CYTH1: variants seen among roughly 807,000 people sequenced by gnomAD.
CYTH1 encodes the protein cytohesin 1, also known as cytohesin-1.
CYTH1 carries 18 observed loss-of-function variants against 61.8 expected under a neutral mutation model. That is an observed-to-expected ratio of 0.29 (90% CI 0.20 to 0.43). The LOEUF is 0.43. Among genes scored for constraint, CYTH1 ranks in the 20% least tolerant of loss-of-function variants. The pLI is 1.00. For missense variants in CYTH1, 336 were observed against 510.5 expected (o/e 0.66, Z 3.29); for synonymous variants, 174 against 184.3 (o/e 0.94, Z 0.45).
At chr17:78,753,553 AGGGCTGCTGACATCCCTAATTACATG>A (rs2093388994) in intron 1 of CYTH1, among the ~76,000 whole-genome samples, 1 of 152,152 alleles carries the variant, frequency 6.6e-6, no homozygotes, top group Non-Finnish European at 1.5e-5. Flanking sequence ...AAAGAATCGG[AGGGCTGCTGACATCCCTAATTACATG>A]GGGTTTGTGC....
Position 78,776,026 on chromosome 17 carries a change from A to G in CYTH1, c.22+6176T>C, listed in dbSNP as rs1226491876. Among the ~76,000 whole-genome samples the G allele has an allele frequency of 2.6e-5, 4 of 152,170 alleles. No individual in the cohort carries two copies. The East Asian group carries it at 5.8e-4, about 22-fold the overall frequency. On this transcript the variant is annotated intron_variant, in intron 1 of 13. Coordinates refer to ENST00000446868, the MANE Select transcript of CYTH1 (RefSeq NM_004762.6). ...AAAAATCAGCCGGGTGTGGTGGCAC[A>G]TGCCTGTAATCCCAGCTACTTGGGA...
At chr17:78,721,552 T>C (rs2093228743) in intron 1 of CYTH1, among the ~76,000 whole-genome samples, 1 of 152,234 alleles carries the variant, frequency 6.6e-6, no homozygotes, top group African/African-American at 2.4e-5. Flanking sequence ...TACTGCATTC[T>C]GCATTTTCAG....
chr17:78,705,284 C>A (rs2093053692), intron 3 of CYTH1, among the ~76,000 whole-genome samples: 1 of 152,144 alleles, frequency 6.6e-6, no homozygotes, highest in South Asian at 2.1e-4. Context: ...GGGACACACA[C>A]CAGAGATGGC....
In CYTH1 at chr17:78,700,423, C is replaced by T. The variant is rs1168209983; in HGVS notation, c.458G>A (p.Arg153Gln). Residue 153 changes from arginine (R) to glutamine (Q), a missense_variant, in exon 7 of 14, where the codon CGG becomes CAG. This residue lies in a region of CYTH1 where 125 missense variants were observed against 209.9 expected (regional missense o/e 0.60). Coordinates refer to ENST00000446868, the MANE Select transcript of CYTH1 (RefSeq NM_004762.6). This position sits in a 1 kb window ranked among gnomAD's most constrained non-coding sequence, Gnocchi z 5.1. ...GATCTTCTGGGCCTCTCCGGGTAGC[C>T]GGAAGCTCCACAGGAACTGCCTGAG... ...QALRQFLWSF[R>Q]LPGEAQKIDR... 8.1e-6 allele frequency: 13 copies of T among 1,612,980 alleles called. No individual in the cohort carries two copies. Among genetic ancestry groups the T allele is most frequent in the Middle Eastern group, 1.7e-4 (1 of 6,060 alleles).
chr17:78,710,369 T>C (rs922325856), intron 1 of CYTH1, among the ~76,000 whole-genome samples: 1 of 152,234 alleles, frequency 6.6e-6, no homozygotes, highest in South Asian at 2.1e-4. Context: ...TGTTTTACAA[T>C]GTGCTCTTAT....
chr17:78,768,735 A>G (rs780186849), intron 1 of CYTH1, among the ~76,000 whole-genome samples: 13 of 152,112 alleles, frequency 8.5e-5, no homozygotes, highest in East Asian at 1.9e-4. Context: ...TCCACTGCCA[A>G]TCTGAGCCAC....
intron 1 of CYTH1, among the ~76,000 whole-genome samples, chr17:78,719,537 T>C (rs557503937): frequency 2.0e-5 from 3 of 152,290 alleles, no homozygotes; most frequent in Admixed American, 2.0e-4. Flanking sequence ...AGAAAAGTAA[T>C]TTTCAACTTT....
intron 1 of CYTH1, among the ~76,000 whole-genome samples, chr17:78,762,383 A>T (rs896882265): frequency 7.9e-5 from 12 of 152,216 alleles, no homozygotes; most frequent in African/African-American, 2.9e-4. Context: ...AAAGTCTACA[A>T]AGTACTGCAA....
intron 11 of CYTH1, among the ~76,000 whole-genome samples, chr17:78,684,203 C>T (rs558540664): frequency 1.6e-4 from 25 of 152,318 alleles, no homozygotes; most frequent in Non-Finnish European, 2.8e-4. Flanking sequence ...TGGCCCTCCT[C>T]GCTCTTCTCA....
chr17:78,774,433 G>A (rs1029913221), intron 1 of CYTH1, among the ~76,000 whole-genome samples: 4 of 152,156 alleles, frequency 2.6e-5, no homozygotes, highest in Admixed American at 2.0e-4. Flanking sequence ...TCTGCATGGG[G>A]TCAAACATGC....
chr17:78,773,084 C>T (rs1442912482), intron 1 of CYTH1, among the ~76,000 whole-genome samples: 5 of 152,020 alleles, frequency 3.3e-5, no homozygotes, highest in Non-Finnish European at 7.4e-5. Context: ...CTGCCCACCT[C>T]GACCTCCCAA....
chr17:78,702,095 G>T, intron 5 of CYTH1, 27 bp downstream of exon 5: 1 of 1,534,502 alleles, frequency 6.5e-7, no homozygotes, highest in Non-Finnish European at 9.0e-7. Flanking sequence ...GCCTTCCCTA[G>T]CATGCGCATA....
intron 1 of CYTH1, among the ~76,000 whole-genome samples, chr17:78,742,981 C>CGTA: frequency 6.6e-6 from 1 of 152,216 alleles, no homozygotes; most frequent in East Asian, 1.9e-4. Flanking sequence ...TTAATGTCTA[C>CGTA]GCTTCTGTGG....
Position 78,766,691 on chromosome 17 carries a change from T to G in CYTH1, c.22+15511A>C, listed in dbSNP as rs534906533. 2.6e-5 allele frequency among the ~76,000 whole-genome samples: 4 copies of G among 152,234 alleles called. No individual in the cohort carries two copies. The East Asian group carries it at 5.8e-4, about 22-fold the overall frequency. ...CTATATCAAGATACAAAACTCTGTA[T>G]CCACTCCCAGAAGAAAGAACGTTTA... On this transcript the variant is annotated intron_variant, in intron 1 of 13. Transcript: ENST00000446868.
chr17:78,721,386 T>C (rs568227537), intron 1 of CYTH1, among the ~76,000 whole-genome samples: 17 of 152,218 alleles, frequency 1.1e-4, no homozygotes, highest in Non-Finnish European at 2.1e-4. Flanking sequence ...AGAGTTAAAT[T>C]AGCAGGCAGC....
At chr17:78,767,506 C>T (rs1202515802) in intron 1 of CYTH1, among the ~76,000 whole-genome samples, 3 of 151,406 alleles carry the variant, frequency 2.0e-5, no homozygotes, top group Admixed American at 6.6e-5. Context: ...TACCCTGACA[C>T]AAAGAATTTA....
intron 1 of CYTH1, among the ~76,000 whole-genome samples, chr17:78,722,194 G>A (rs1005734498): frequency 6.6e-6 from 1 of 152,086 alleles, no homozygotes; most frequent in Non-Finnish European, 1.5e-5. Flanking sequence ...GTTAACATCC[G>A]CTTTCAATAA....
intron 1 of CYTH1, among the ~76,000 whole-genome samples, chr17:78,734,710 G>T (rs1046607474): frequency 6.6e-6 from 1 of 152,062 alleles, no homozygotes; most frequent in Non-Finnish European, 1.5e-5. Context: ...AAAGTGCTGG[G>T]ATTATCAGTG....
At position 78,756,055 on chromosome 17, in the gene CYTH1, CTATT is replaced by C. The variant is rs199775677; in HGVS notation, c.22+26143_22+26146del. On this transcript the variant is annotated intron_variant, in intron 1 of 13. Transcript: ENST00000446868. ...TGAATATATCCCATCAAATTGTACA[CTATT>C]TATTTATTTATTTATTTTTATTTTT... is the stretch of plus-strand genomic sequence containing the variant. Among the ~76,000 whole-genome samples, 213 of 150,280 alleles carry C rather than the reference CTATT, an allele frequency of 1.4e-3. 1 individual carries two copies. In the East Asian group the frequency reaches 0.026, roughly 18 times the overall value.
Sources: allele counts gnomAD v4.1 joint callset (sites outside exome capture counted in the v4.1 genomes callset), GRCh38; gene constraint gnomAD v4.1.1; regional missense constraint gnomAD v4.1.1; non-coding constraint Gnocchi (gnomAD v3.1); transcripts MANE v1.5; gene names NCBI Gene and HGNC (gene_info 2026-07-23, HGNC 2026-07-21).